The following KIAA1671 variants were observed in gnomAD, a reference collection of about 807,000 sequenced individuals.
The protein encoded by KIAA1671 is KIAA1671.
A neutral mutation model predicts 131.2 loss-of-function variants in KIAA1671; 52 were observed. The observed-to-expected ratio is 0.40, with a 90% CI of 0.32 to 0.50. The LOEUF is 0.50. KIAA1671 is among the 20% of genes least tolerant of loss of function. KIAA1671 has a pLI of 0.73. For missense variants in KIAA1671, 2,360 were observed against 2,364.2 expected, an observed-to-expected ratio of 1.00 and a Z score of 0.04; for synonymous variants, 1,003 against 961.6, an observed-to-expected ratio of 1.04 and a Z score of -0.80.
intron 1 of KIAA1671, among the ~76,000 whole-genome samples, chr22:25,021,826 G>T (rs1465191809): frequency 1.3e-5 from 2 of 151,494 alleles, no homozygotes; most frequent in African/African-American, 2.4e-5. Flanking sequence ...TCGCTCTGTT[G>T]CCCAGGCTGG....
At chr22:25,016,035 T>TC (rs1256503975) in intron 1 of KIAA1671, among the ~76,000 whole-genome samples, 1 of 151,834 alleles carries the variant, frequency 6.6e-6, no homozygotes, top group Non-Finnish European at 1.5e-5. Context: ...CTTTTTTTTT[T>TC]TCCCAGACGG....
chr22:25,088,131 A>G (rs1929832544), intron 6 of KIAA1671, among the ~76,000 whole-genome samples: 1 of 149,236 alleles, frequency 6.7e-6, no homozygotes, highest in Non-Finnish European at 1.5e-5. Flanking sequence ...TTTTTGAGAC[A>G]GAGTCTCACC....
At position 25,047,151 on chromosome 22, in the gene KIAA1671, CTTT is replaced by C. The variant is rs140590311; in HGVS notation, c.4396-2064_4396-2062del. Among the ~76,000 whole-genome samples the C allele has an allele frequency of 4.9e-3, 600 of 121,676 alleles. 3 individuals are homozygous for C. Among genetic ancestry groups the C allele is most frequent in the African/African-American group, 0.017 (535 of 31,484 alleles). 79.8% of individuals were successfully genotyped at this position (121,676 alleles called of 152,430 possible). On this transcript the variant is annotated intron_variant, in intron 5 of 12. Coordinates refer to ENST00000358431, the MANE Select transcript of KIAA1671 (RefSeq NM_001145206.2). ...ACACCTGGCTAATTTTTTTTCTTTT[CTTT>C]TTTTTTTTTTTTTTGAGACAGAGTC...
At chr22:25,090,142 A>C (rs1257040352) in intron 6 of KIAA1671, among the ~76,000 whole-genome samples, 1 of 152,160 alleles carries the variant, frequency 6.6e-6, no homozygotes, top group Non-Finnish European at 1.5e-5. Flanking sequence ...CCTTAGAAGA[A>C]GTCTCTGGCC....
chr22:25,059,923 C>G (rs1928065729), intron 6 of KIAA1671: 1 of 152,148 alleles, frequency 6.6e-6, no homozygotes, highest in African/African-American at 2.4e-5. Flanking sequence ...CTCAGAAATC[C>G]CTGATCTGGG....
Position 25,028,437 on chromosome 22 carries a change from C to A in KIAA1671, c.438C>A (p.Leu146=). The change falls in exon 3 of 13, where the codon CTC becomes CTA. Residue 146 remains leucine (L), a synonymous_variant. Transcript: ENST00000358431. The part of the protein sequence containing the change: ...FLRPSSSTMI[L]FETTKSGPAL... ...GGCCCAGCTCCAGCACCATGATTCTCTTCGAAACCACCAAAAGCGGCCCCG... is the reference window on the plus strand; with the variant it reads ...GGCCCAGCTCCAGCACCATGATTCTATTCGAAACCACCAAAAGCGGCCCCG... 1 of 1,550,916 alleles carries A rather than the reference C, an allele frequency of 6.4e-7. No individual in the cohort carries two copies. Among genetic ancestry groups the A allele is most frequent in the Non-Finnish European group, 8.7e-7 (1 of 1,146,752 alleles).
chr22:25,103,549 G>A (rs187959074), intron 6 of KIAA1671, among the ~76,000 whole-genome samples: 107 of 152,242 alleles, frequency 7.0e-4, no homozygotes, highest in Non-Finnish European at 1.0e-4. Flanking sequence ...TAGTACAGAC[G>A]AGGTTTCACC....
chr22:25,012,646 C>A (rs1452759007), intron 1 of KIAA1671: 2 of 152,104 alleles, frequency 1.3e-5, no homozygotes, highest in African/African-American at 4.8e-5. Flanking sequence ...GTAAACAAAA[C>A]CAGTGTTGCT....
intron 6 of KIAA1671, among the ~76,000 whole-genome samples, chr22:25,153,494 T>C (rs567695583): frequency 1.3e-5 from 2 of 152,330 alleles, no homozygotes; most frequent in African/African-American, 4.8e-5. Flanking sequence ...TCTCACAATA[T>C]GCAATATACC....
chr22:24,986,941 G>A (rs1440065097), intron 1 of KIAA1671, among the ~76,000 whole-genome samples: 1 of 151,838 alleles, frequency 6.6e-6, no homozygotes, highest in Non-Finnish European at 1.5e-5. Context: ...GGACCAGATA[G>A]TAAATATTTT....
In KIAA1671 at chr22:24,995,091, C is replaced by T. The variant is rs369687697; in HGVS notation, c.-207-30542C>T. Among the ~76,000 whole-genome samples the T allele has an allele frequency of 3.0e-4, 45 of 151,530 alleles. No homozygotes were observed. The East Asian group carries it at 6.6e-3, about 22-fold the overall frequency. ...TTTGAGACAGAATCTCGCTCTCTCA[C>T]CCAGGCTGGAGTGCAGTGGCGCGAT... On this transcript the variant is annotated intron_variant, in intron 1 of 12. Transcript: ENST00000358431.
chr22:24,973,830 C>G (rs560353196), intron 1 of KIAA1671, among the ~76,000 whole-genome samples: 2 of 152,298 alleles, frequency 1.3e-5, no homozygotes, highest in South Asian at 4.1e-4. Flanking sequence ...AGTAGGGACA[C>G]TTAATAAATA....
In KIAA1671 at chr22:25,177,568, G is replaced by A. The variant is rs576563308; in HGVS notation, c.5074+46G>A. The A allele has an allele frequency of 1.7e-5, 26 of 1,503,040 alleles. No homozygotes were observed. In the East Asian group the frequency reaches 5.5e-4, roughly 32 times the overall value. 93.1% of individuals were successfully genotyped at this position (1,503,040 alleles called of 1,614,324 possible). ...TCCTCAGATAGCACATTGAACAGCA[G>A]GAAGGATTTAGACTAAGCCCTATGA... is the stretch of plus-strand genomic sequence containing the variant. On this transcript the variant is annotated intron_variant, in intron 9 of 12. Transcript: ENST00000358431.
intron 6 of KIAA1671, among the ~76,000 whole-genome samples, chr22:25,078,644 G>A (rs6004427): frequency 1.4e-3 from 206 of 152,308 alleles, no homozygotes; most frequent in African/African-American, 4.5e-3. Context: ...CACTCCATAC[G>A]CACACCGTAA....
chr22:25,082,915 A>C (rs1929488188), intron 6 of KIAA1671, among the ~76,000 whole-genome samples: 1 of 152,196 alleles, frequency 6.6e-6, no homozygotes, highest in East Asian at 1.9e-4. Context: ...GGTGTTTCAT[A>C]TTGTTTTAAT....
At chr22:25,155,354 C>T (rs1933192877) in intron 6 of KIAA1671, among the ~76,000 whole-genome samples, 1 of 151,734 alleles carries the variant, frequency 6.6e-6, no homozygotes, top group African/African-American at 2.4e-5. Context: ...TTTGTGTGTG[C>T]ATTTGTGTGT....
intron 6 of KIAA1671, among the ~76,000 whole-genome samples, chr22:25,114,925 T>G (rs1437690010): frequency 6.6e-6 from 1 of 152,240 alleles, no homozygotes; most frequent in Non-Finnish European, 1.5e-5. Context: ...TTTATCTAAA[T>G]AATCCATTCA....
chr22:25,092,288 C>T (rs573752623), intron 6 of KIAA1671, among the ~76,000 whole-genome samples: 8 of 152,238 alleles, frequency 5.3e-5, no homozygotes, highest in African/African-American at 7.2e-5. Context: ...GAGCCAGCCA[C>T]GCAGGGATGT....
At chr22:25,127,518 A>T (rs1932242332) in intron 6 of KIAA1671, among the ~76,000 whole-genome samples, 2 of 152,114 alleles carry the variant, frequency 1.3e-5, no homozygotes, top group African/African-American at 4.8e-5. Flanking sequence ...CCTCTTTTGC[A>T]TCCACTTGGC....
Sources: gnomAD v4.1 joint callset for allele counts (sites outside exome capture counted in the v4.1 genomes callset) on GRCh38, gnomAD v4.1.1 for gene constraint, MANE v1.5 for transcripts, NCBI Gene and HGNC (gene_info 2026-07-23, HGNC 2026-07-21) for gene names.